BBX: variants seen among roughly 807,000 people sequenced by gnomAD.
The protein encoded by BBX is BBX high mobility group box domain containing, also known as HMG box transcription factor BBX.
Under a neutral mutation model 100.2 loss-of-function variants are expected in BBX, and 30 were observed. That is an observed-to-expected ratio of 0.30 (90% CI 0.22 to 0.41). The LOEUF is 0.41. Ranked by LOEUF, BBX falls within the 10% of genes least tolerant of loss-of-function variation. BBX has a pLI of 1.00. For synonymous variants in BBX, 376 were observed against 388.1 expected (o/e 0.97, Z 0.37); for missense variants, 1,023 against 1,129.8 (o/e 0.91, Z 1.35).
chr3:107,613,058 G>T (rs2054962291), intron 2 of BBX, among the ~76,000 whole-genome samples: 1 of 152,036 alleles, frequency 6.6e-6, no homozygotes, highest in Non-Finnish European at 1.5e-5. Context: ...TACTGCCAGG[G>T]TACTGCTGAT....
At chr3:107,628,352 GTATT>G (rs2056335839) in intron 2 of BBX, among the ~76,000 whole-genome samples, 1 of 151,570 alleles carries the variant, frequency 6.6e-6, no homozygotes, top group Non-Finnish European at 1.5e-5. Context: ...CAAATAAAGT[GTATT>G]TATCAAGAGT....
intron 2 of BBX, among the ~76,000 whole-genome samples, chr3:107,618,307 T>C (rs2055454665): frequency 6.6e-6 from 1 of 152,084 alleles, no homozygotes; most frequent in Non-Finnish European, 1.5e-5. Flanking sequence ...TCTGTATTCA[T>C]GAGGAATATT....
Position 107,808,623 on chromosome 3 carries a change from C to T in BBX, c.*3166C>T, listed in dbSNP as rs2071173836. 1 of 152,130 alleles carries T rather than the reference C, an allele frequency of 6.6e-6. No homozygotes were observed. Among genetic ancestry groups the T allele is most frequent in the African/African-American group, 2.4e-5 (1 of 41,418 alleles). 9.4% of individuals were successfully genotyped at this position (152,130 alleles called of 1,614,324 possible). A position where few individuals can be genotyped will look rare whatever the true frequency, so the allele number is the denominator to read the frequency against. On this transcript the variant is annotated 3_prime_UTR_variant, in exon 18 of 18. Transcript: ENST00000325805. The stretch of plus-strand genomic sequence containing the variant: ...GAGTGAAAGAAAAAATACTGTAAGA[C>T]ATCCTTAAAGTTTTTATTTGTTTGG...
chr3:107,717,032 A>G (rs1004788927), intron 5 of BBX, among the ~76,000 whole-genome samples, 183 bp downstream of exon 5: 1 of 152,156 alleles, frequency 6.6e-6, no homozygotes, highest in African/African-American at 2.4e-5. Flanking sequence ...TTCCAAGTCC[A>G]TGTAGAAATG....
At chr3:107,721,757 A>ACTCATTTAAC (rs2107439372) in intron 5 of BBX, among the ~76,000 whole-genome samples, 1 of 152,118 alleles carries the variant, frequency 6.6e-6, no homozygotes, top group East Asian at 1.9e-4. Context: ...TTAAATTCTA[A>ACTCATTTAAC]CTCATTTAAC....
At chr3:107,798,274 G>A (rs1451021937) in intron 15 of BBX, among the ~76,000 whole-genome samples, 1 of 152,132 alleles carries the variant, frequency 6.6e-6, no homozygotes, top group Non-Finnish European at 1.5e-5. Flanking sequence ...GCAACACCCA[G>A]AGACTTAGAA....
At chr3:107,671,724 T>C (rs1027819953) in intron 3 of BBX, among the ~76,000 whole-genome samples, 2 of 152,104 alleles carry the variant, frequency 1.3e-5, no homozygotes, top group African/African-American at 4.8e-5. Flanking sequence ...CGTATAGCAC[T>C]GCAAACTCAT....
intron 2 of BBX, among the ~76,000 whole-genome samples, chr3:107,574,359 G>A (rs1328457018): frequency 6.6e-6 from 1 of 152,150 alleles, no homozygotes; most frequent in African/African-American, 2.4e-5. Context: ...TTATATTTGG[G>A]TACAGGTTAT....
intron 2 of BBX, among the ~76,000 whole-genome samples, chr3:107,606,638 T>C (rs780984254): frequency 6.6e-6 from 1 of 152,212 alleles, no homozygotes; most frequent in Non-Finnish European, 1.5e-5. Context: ...TTTCTCTCTT[T>C]TTAAAAAGTT....
chr3:107,794,683 C>T (rs1176387567), intron 15 of BBX, among the ~76,000 whole-genome samples: 11 of 152,202 alleles, frequency 7.2e-5, no homozygotes, highest in African/African-American at 2.7e-4. Flanking sequence ...TTCTATTCAG[C>T]ATCTGACTGC....
chr3:107,724,153 GA>G lies in BBX; in HGVS notation c.406-4611del, dbSNP rs2062745868. Among the ~76,000 whole-genome samples, 3 of 152,312 alleles carry G rather than the reference GA, an allele frequency of 2.0e-5. No homozygotes were observed. The South Asian group carries it at 6.2e-4, about 32-fold the overall frequency. On this transcript the variant is annotated intron_variant, in intron 5 of 17. Coordinates refer to ENST00000325805, the MANE Select transcript of BBX (RefSeq NM_001142568.3). ...TTGTGGTTTTGATTTGCATTTCTCT[GA>G]TGGCCAGTGATGGTGAGCATTTTTT...
intron 3 of BBX, among the ~76,000 whole-genome samples, chr3:107,665,253 T>A (rs1336771240): frequency 2.0e-5 from 3 of 152,178 alleles, no homozygotes; most frequent in Non-Finnish European, 4.4e-5. Context: ...ATAATTTCCC[T>A]AAAAGCACTA....
intron 12 of BBX, chr3:107,776,091 A>G (rs1363349110): frequency 6.6e-6 from 1 of 152,202 alleles, no homozygotes; most frequent in Admixed American, 6.6e-5. Flanking sequence ...ATGACCTGCA[A>G]GCATCTAGAC....
intron 2 of BBX, among the ~76,000 whole-genome samples, chr3:107,571,260 T>G (rs918954749): frequency 1.3e-5 from 2 of 152,018 alleles, no homozygotes; most frequent in Admixed American, 6.6e-5. Flanking sequence ...GTCCCCGCAA[T>G]TGACTTGTCA....
At position 107,710,467 on chromosome 3, in the gene BBX, G is replaced by C; in HGVS notation, c.7G>C (p.Gly3Arg). The C allele has an allele frequency of 3.1e-6, 5 of 1,611,680 alleles. No individual in the cohort carries two copies. Among genetic ancestry groups the C allele is most frequent in the Non-Finnish European group, 4.2e-6 (5 of 1,178,738 alleles). MK[G>R]SNRNKDHSAE... ...CCTATTACAGGTCACAGTAATGAAAGGCAGTAATAGAAATAAGGATCATTC... is the reference window on the plus strand; with the variant it reads ...CCTATTACAGGTCACAGTAATGAAACGCAGTAATAGAAATAAGGATCATTC... Residue 3 changes from glycine (G) to arginine (R), a missense_variant, in exon 4 of 18, where the codon GGC becomes CGC. Coordinates refer to ENST00000325805, the MANE Select transcript of BBX (RefSeq NM_001142568.3).
intron 2 of BBX, among the ~76,000 whole-genome samples, chr3:107,610,169 G>A (rs2054737645): frequency 6.6e-6 from 1 of 152,022 alleles, no homozygotes; most frequent in African/African-American, 2.4e-5. Flanking sequence ...TAATTTCCAT[G>A]TGTTTAAGTT....
intron 1 of BBX, among the ~76,000 whole-genome samples, chr3:107,525,674 T>A (rs1014548811): frequency 2.0e-5 from 3 of 152,130 alleles, no homozygotes; most frequent in Admixed American, 1.3e-4. Context: ...GCTCTCTTCC[T>A]CCCTCCTTGT....
chr3:107,647,560 A>G (rs554889062), intron 3 of BBX, among the ~76,000 whole-genome samples: 1 of 152,332 alleles, frequency 6.6e-6, no homozygotes, highest in East Asian at 1.9e-4. Context: ...GCTGACCTAT[A>G]TGCTTGTCTT....
intron 2 of BBX, among the ~76,000 whole-genome samples, chr3:107,584,234 A>G (rs1196580732): frequency 1.8e-5 from 2 of 112,218 alleles, no homozygotes; most frequent in Non-Finnish European, 3.4e-5. Flanking sequence ...ATATGTATAA[A>G]GTATAAAGTA....
Sources: gnomAD v4.1 joint callset for allele counts (sites outside exome capture counted in the v4.1 genomes callset) on GRCh38, gnomAD v4.1.1 for gene constraint, MANE v1.5 for transcripts, NCBI Gene and HGNC (gene_info 2026-07-23, HGNC 2026-07-21) for gene names.